Variants in ADAM23 observed in about 807,000 individuals in gnomAD.
The protein encoded by ADAM23 is disintegrin and metalloproteinase domain-containing protein 23.
A neutral mutation model predicts 120.1 loss-of-function variants in ADAM23; 33 were observed. That is an observed-to-expected ratio of 0.27 (90% confidence interval 0.21 to 0.37). The LOEUF (loss-of-function observed/expected upper bound fraction) is 0.37. ADAM23 is among the 10% of genes least tolerant of loss of function. ADAM23 has a pLI of 1.00. For missense variants in ADAM23, 862 were observed against 1,058.2 expected, an observed-to-expected ratio of 0.81 and a Z score of 2.57; for synonymous variants, 367 against 375.2, an observed-to-expected ratio of 0.98 and a Z score of 0.25.
intron 2 of ADAM23, among the ~76,000 whole-genome samples, chr2:206,447,068 G>A (rs1380579951): frequency 6.6e-6 from 1 of 152,182 alleles, no homozygotes; most frequent in Non-Finnish European, 1.5e-5. Context: ...CTCCTCAGCA[G>A]AGACTTGAAA....
At chr2:206,580,882 C>A (rs1698207935) in intron 18 of ADAM23, among the ~76,000 whole-genome samples, 1 of 152,128 alleles carries the variant, frequency 6.6e-6, no homozygotes, top group Admixed American at 6.5e-5. Flanking sequence ...ATTATCATTT[C>A]AATCTCACTG....
Position 206,443,859 on chromosome 2 carries a change from T to G in ADAM23, c.-8T>G. 8.9e-7 allele frequency: 1 copy of G among 1,128,894 alleles called. No individual in the cohort carries two copies. The highest frequency in any genetic ancestry group is 1.1e-6 in the Non-Finnish European group (1 of 924,350). 69.9% of individuals were successfully genotyped at this position (1,128,894 alleles called of 1,614,324 possible). ...GCCACACGGAGCGGCGCCCGGGAGC[T>G]ATGAGCCATGAAGCCGCCCGGCAGC... On this transcript the variant is annotated 5_prime_UTR_variant, in exon 1 of 26. Transcript: ENST00000264377.
chr2:206,617,819 T>C lies in ADAM23; in HGVS notation c.*192T>C. ...TTTGGAAATAATGTCAAAGAACACCTTTCACCACCTGTCAGTAAACGGGGG... is the reference window on the plus strand; with the variant it reads ...TTTGGAAATAATGTCAAAGAACACCCTTCACCACCTGTCAGTAAACGGGGG... On this transcript the variant is annotated 3_prime_UTR_variant, in exon 26 of 26. Coordinates refer to ENST00000264377, the MANE Select transcript of ADAM23 (RefSeq NM_003812.4). 1 of 1,211,906 alleles carries C rather than the reference T, an allele frequency of 8.3e-7. No individual in the cohort carries two copies. Among genetic ancestry groups the C allele is most frequent in the Non-Finnish European group, 1.1e-6 (1 of 921,614 alleles). 75.1% of individuals were successfully genotyped at this position (1,211,906 alleles called of 1,614,324 possible).
chr2:206,494,783 T>C (rs978958808), intron 3 of ADAM23, among the ~76,000 whole-genome samples: 1 of 152,152 alleles, frequency 6.6e-6, no homozygotes, highest in Non-Finnish European at 1.5e-5. Context: ...AAATGAGTAC[T>C]ACTGATATTT....
intron 9 of ADAM23, among the ~76,000 whole-genome samples, chr2:206,551,094 C>T (rs1322936299): frequency 1.3e-5 from 2 of 152,174 alleles, no homozygotes; most frequent in African/African-American, 2.4e-5. Context: ...TATAAAATTA[C>T]TTGCCTGAAG....
At chr2:206,538,255 T>C (rs1301748481) in intron 4 of ADAM23, among the ~76,000 whole-genome samples, 1 of 152,160 alleles carries the variant, frequency 6.6e-6, no homozygotes, top group Admixed American at 6.5e-5. Flanking sequence ...GTTCCCCAAG[T>C]CTCCAAAATT....
intron 24 of ADAM23, among the ~76,000 whole-genome samples, chr2:206,601,000 T>C (rs1698630580): frequency 6.6e-6 from 1 of 152,220 alleles, no homozygotes; most frequent in African/African-American, 2.4e-5. Context: ...GAAATCATTA[T>C]AGAAAATTAT....
chr2:206,548,210 A>G, intron 7 of ADAM23, 71 bp from the exon 8 acceptor site: 6 of 1,397,984 alleles, frequency 4.3e-6, no homozygotes, highest in Non-Finnish European at 6.0e-6. Context: ...CTGTTTCTTC[A>G]TGTAATATTT....
rs1697729788 is a variant in ADAM23 at position 206,560,038 on chromosome 2, C to T, written c.1089C>T (p.Thr363=). ...AGAAGGATCAGATTGACATCACCAC[C>T]AACCCTGTGCAGATGCTCCATGAGT... is the stretch of plus-strand genomic sequence containing the variant. ...WTEKDQIDIT[T]NPVQMLHEFS... is the part of the protein sequence containing the mutation. The change falls in exon 11 of 26, where the codon ACC becomes ACT. Residue 363 remains threonine, a synonymous_variant. Transcript: ENST00000264377. The T allele has an allele frequency of 1.9e-6, 3 of 1,614,114 alleles. No individual in the cohort carries two copies. The highest frequency in any genetic ancestry group is 2.5e-6 in the Non-Finnish European group (3 of 1,179,996).
chr2:206,503,117 T>C (rs1696425424), intron 3 of ADAM23, among the ~76,000 whole-genome samples: 1 of 152,158 alleles, frequency 6.6e-6, no homozygotes, highest in Non-Finnish European at 1.5e-5. Context: ...TGTTGCTGGT[T>C]TATTGGGCCA....
intron 3 of ADAM23, among the ~76,000 whole-genome samples, chr2:206,483,180 T>C (rs1695933414): frequency 6.6e-6 from 1 of 152,160 alleles, no homozygotes; most frequent in African/African-American, 2.4e-5. Flanking sequence ...ATAAAAATTA[T>C]TAGGATTGCT....
rs747494304 is a variant in ADAM23, at chr2:206,571,768, C to T, written c.1608C>T (p.Asn536=). Residue 536 remains asparagine, a synonymous_variant, in exon 17 of 26, where the codon AAC becomes AAT. Transcript: ENST00000264377. ...GCTGTAAGAAATGTTCCCTCTCCAA[C>T]GGGGCTCACTGCAGCGACGGGCCCT... ...GLCCKKCSLS[N]GAHCSDGPCC... 84 of 1,614,104 alleles carry T rather than the reference C, an allele frequency of 5.2e-5. No individual in the cohort carries two copies. Among genetic ancestry groups the T allele is most frequent in the Non-Finnish European group, 5.6e-5 (66 of 1,179,968 alleles).
At chr2:206,491,399 A>G (rs1319668105) in intron 3 of ADAM23, among the ~76,000 whole-genome samples, 4 of 152,196 alleles carry the variant, frequency 2.6e-5, no homozygotes, top group Non-Finnish European at 5.9e-5. Context: ...TTAATTGTTG[A>G]TGGGATCATA....
At chr2:206,445,653 T>C (rs1695068605) in intron 2 of ADAM23, 129 bp downstream of exon 2, 1 of 762,682 alleles carries the variant, frequency 1.3e-6, no homozygotes, top group South Asian at 1.9e-5. Flanking sequence ...AATATTATGA[T>C]AGGGGAGAAA....
chr2:206,535,722 T>A (rs547520624), intron 4 of ADAM23, among the ~76,000 whole-genome samples: 2 of 152,332 alleles, frequency 1.3e-5, no homozygotes. Context: ...GCACATATGA[T>A]ACGATTCTGT....
Position 206,570,818 on chromosome 2 carries a change from A to G in ADAM23, c.1566+7A>G, listed in dbSNP as rs757403392. 11 of 1,611,016 alleles carry G rather than the reference A, an allele frequency of 6.8e-6. No individual in the cohort carries two copies. Among genetic ancestry groups the G allele is most frequent in the South Asian group, 5.5e-5 (5 of 90,998 alleles). On this transcript the variant is annotated splice_region_variant and intron_variant, in intron 16 of 25. Transcript: ENST00000264377. The stretch of plus-strand genomic sequence containing the variant: ...TGATTGTGGTTTTCATGTGGTAGGT[A>G]TAAGAAACCTTCTATACTTACAGCA...
chr2:206,598,010 TCA>T (rs1383597816), intron 24 of ADAM23, among the ~76,000 whole-genome samples: 1 of 152,222 alleles, frequency 6.6e-6, no homozygotes, highest in Non-Finnish European at 1.5e-5. Flanking sequence ...AATCACACCC[TCA>T]CAGTCTATTT....
chr2:206,515,251 G>A (rs1323890926), intron 3 of ADAM23, among the ~76,000 whole-genome samples: 1 of 152,150 alleles, frequency 6.6e-6, no homozygotes, highest in African/African-American at 2.4e-5. Flanking sequence ...AGTGATCATT[G>A]AAACAACTGA....
chr2:206,493,314 T>G (rs1363787770), intron 3 of ADAM23, among the ~76,000 whole-genome samples: 1 of 152,252 alleles, frequency 6.6e-6, no homozygotes, highest in African/African-American at 2.4e-5. Context: ...ATGATATCCA[T>G]GAGCCTTAAT....
Sources: gnomAD v4.1 joint callset for allele counts (sites outside exome capture counted in the v4.1 genomes callset) on GRCh38, gnomAD v4.1.1 for gene constraint, MANE v1.5 for transcripts, NCBI Gene and HGNC (gene_info 2026-07-23, HGNC 2026-07-21) for gene names.